ZFYVE27: variants seen among roughly 807,000 people sequenced by gnomAD.
ZFYVE27 encodes zinc finger FYVE-type containing 27, also known as protrudin.
A neutral mutation model predicts 52.8 loss-of-function variants in ZFYVE27; 36 were observed. The observed-to-expected ratio is 0.68, with a 90% confidence interval of 0.52 to 0.90. ZFYVE27 has a LOEUF of 0.90. Among genes scored for constraint, ZFYVE27 ranks in the 40% least tolerant of loss-of-function variants. ZFYVE27 has a pLI of 0.00. For missense variants in ZFYVE27, 450 were observed against 527.2 expected (o/e 0.85, Z 1.43); for synonymous variants, 223 against 215.6 (o/e 1.03, Z -0.30).
chr10:97,759,329 C>T lies in ZFYVE27; in HGVS notation c.*29C>T, dbSNP rs368123077. ...GAGAGGCCAGGGTCCAACCAGGCAC[C>T]CGTCCTTGGGACCAGCAGTAGACCC... On this transcript the variant is annotated 3_prime_UTR_variant, in exon 13 of 13. Coordinates refer to ENST00000684270, the MANE Select transcript of ZFYVE27 (RefSeq NM_001385875.1). 18 of 1,613,802 alleles carry T rather than the reference C, an allele frequency of 1.1e-5. No individual in the cohort carries two copies. The highest frequency in any genetic ancestry group is 1.5e-5 in the Non-Finnish European group (18 of 1,179,710).
In ZFYVE27 at chr10:97,748,507, A is replaced by G; in HGVS notation, c.551+143A>G. On this transcript the variant is annotated intron_variant, in intron 5 of 12. Coordinates refer to ENST00000684270, the MANE Select transcript of ZFYVE27 (RefSeq NM_001385875.1). Reference sequence around the variant, plus strand: ...CCTGGGCTCTTGTGTGTATATCTGCACATATGCTTGCGGGCTCTAATGTAC... The same window carrying G: ...CCTGGGCTCTTGTGTGTATATCTGCGCATATGCTTGCGGGCTCTAATGTAC... 4 of 744,858 alleles carry G rather than the reference A, an allele frequency of 5.4e-6. No individual in the cohort carries two copies. The South Asian group carries it at 6.1e-5, about 11-fold the overall frequency. The allele number at this position is 744,858 out of a possible 1,614,324, so 46.1% of individuals were successfully genotyped here.
At chr10:97,752,954 G>T in intron 9 of ZFYVE27, 77 bp downstream of exon 9, 1 of 1,613,204 alleles carries the variant, frequency 6.2e-7, no homozygotes. Flanking sequence ...ACACCTCGTG[G>T]GGGCTGCCGC....
chr10:97,745,569 T>C (rs2045066202), intron 4 of ZFYVE27, among the ~76,000 whole-genome samples: 1 of 152,242 alleles, frequency 6.6e-6, no homozygotes. Context: ...AGCTCTTCCA[T>C]TTACTTGCTG....
intron 2 of ZFYVE27, among the ~76,000 whole-genome samples, chr10:97,742,375 C>G (rs2043944531): frequency 6.6e-6 from 1 of 152,078 alleles, no homozygotes; most frequent in Non-Finnish European, 1.5e-5. Flanking sequence ...CTTCCTTGTT[C>G]CCTGTTTGGG....
chr10:97,748,703 T>G (rs1169594099), intron 5 of ZFYVE27, among the ~76,000 whole-genome samples: 3 of 152,246 alleles, frequency 2.0e-5, no homozygotes, highest in Non-Finnish European at 4.4e-5. Context: ...CAATTTTTCT[T>G]TTGTTTTCCA....
chr10:97,749,439 A>C (rs763041409), intron 5 of ZFYVE27, 35 bp from the exon 6 acceptor site: 8 of 1,561,196 alleles, frequency 5.1e-6, no homozygotes, highest in Middle Eastern at 1.7e-4. Context: ...TGCTGTTACG[A>C]ATTTCTGATC....
intron 1 of ZFYVE27, among the ~76,000 whole-genome samples, chr10:97,737,754 GTT>G (rs2042492797): frequency 6.6e-6 from 1 of 152,238 alleles, no homozygotes; most frequent in Non-Finnish European, 1.5e-5. Flanking sequence ...AGGCTCCTCG[GTT>G]TCCTCATCAG....
In ZFYVE27 at chr10:97,749,462, C is replaced by T. The variant is rs1358372551; in HGVS notation, c.552-12C>T. 1 of 1,608,496 alleles carries T rather than the reference C, an allele frequency of 6.2e-7. No homozygotes were observed. ...CGAATTTCTGATCTTGTGGTTCTTCCCTGTCATCCAGGTTCTATGGGGCTC... is the reference window on the plus strand; with the variant it reads ...CGAATTTCTGATCTTGTGGTTCTTCTCTGTCATCCAGGTTCTATGGGGCTC... On this transcript the variant is annotated splice_polypyrimidine_tract_variant and intron_variant, in intron 5 of 12. Transcript: ENST00000684270.
At chr10:97,749,137 T>C (rs1304391278) in intron 5 of ZFYVE27, among the ~76,000 whole-genome samples, 2 of 152,176 alleles carry the variant, frequency 1.3e-5, no homozygotes, top group Non-Finnish European at 2.9e-5. Flanking sequence ...ACCAAGAGAC[T>C]TCTCAGAATG....
intron 4 of ZFYVE27, among the ~76,000 whole-genome samples, chr10:97,746,693 T>A (rs1443738883): frequency 6.6e-6 from 1 of 151,636 alleles, no homozygotes; most frequent in East Asian, 1.9e-4. Context: ...TTTTCTTTTT[T>A]TTTTTTTACT....
chr10:97,738,467 A>G lies in ZFYVE27; in HGVS notation c.-1-10A>G, dbSNP rs766365947. 4 of 1,613,704 alleles carry G rather than the reference A, an allele frequency of 2.5e-6. No homozygotes were observed. In the East Asian group the frequency reaches 8.9e-5, roughly 36 times the overall value. ...TGCAATGCAAATGTTGGGAATTATTATGGTTACAGGATGCAGACATCAGAA... is the reference window on the plus strand; with the variant it reads ...TGCAATGCAAATGTTGGGAATTATTGTGGTTACAGGATGCAGACATCAGAA... On this transcript the variant is annotated splice_polypyrimidine_tract_variant and intron_variant, in intron 1 of 12. Transcript: ENST00000684270.
In ZFYVE27 at chr10:97,738,779, C is replaced by A. The variant is rs1018519284; in HGVS notation, c.197+105C>A. The A allele has an allele frequency of 5.2e-6, 7 of 1,341,168 alleles. No individual in the cohort carries two copies. In the African/African-American group the frequency reaches 1.0e-4, roughly 19 times the overall value. 83.1% of individuals were successfully genotyped at this position (1,341,168 alleles called of 1,614,324 possible). The stretch of plus-strand genomic sequence containing the variant: ...GCAGTGGCTGGGCTGTCCTTTCTGC[C>A]CTAGTGAGGAGCAGTTCTGGGAGGT... On this transcript the variant is annotated intron_variant, in intron 2 of 12. Coordinates refer to ENST00000684270, the MANE Select transcript of ZFYVE27 (RefSeq NM_001385875.1).
chr10:97,744,806 C>T lies in ZFYVE27; in HGVS notation c.346C>T (p.Arg116Trp), dbSNP rs749224650. 73 of 1,613,918 alleles carry T rather than the reference C, an allele frequency of 4.5e-5. No individual in the cohort carries two copies. The highest frequency in any genetic ancestry group is 8.3e-5 in the Admixed American group (5 of 60,014). The change falls in exon 4 of 13, where the codon CGG becomes TGG. Residue 116 changes from arginine to tryptophan, a missense_variant. Coordinates refer to ENST00000684270, the MANE Select transcript of ZFYVE27 (RefSeq NM_001385875.1). ...LGYLQEVCRA[R>W]LPDSELMRRK... ...CTACCTTCAGGAGGTTTGCCGGGCA[C>T]GGCTGCCTGATTCCGAGCTGATGCG... is the stretch of plus-strand genomic sequence containing the variant.
intron 1 of ZFYVE27, among the ~76,000 whole-genome samples, 199 bp from the exon 2 acceptor site, chr10:97,738,278 G>C (rs2042658176): frequency 6.6e-6 from 1 of 152,152 alleles, no homozygotes; most frequent in African/African-American, 2.4e-5. Context: ...ATTTATGCTT[G>C]GTTTTTATGA....
Position 97,751,391 on chromosome 10 carries a change from G to A in ZFYVE27, c.805G>A (p.Asp269Asn). The change falls in exon 8 of 13, where the codon GAC becomes AAC. Residue 269 changes from aspartate (D) to asparagine (N), a missense_variant and splice_region_variant. By Grantham distance (23) the Asp-to-Asn change is conservative. Transcript: ENST00000684270. ...DSTPALTPTE[D>N]LTPGSVEEAE... is the part of the protein sequence containing the mutation. ...TCTGTCATAGAGTCTCTCTTCCCAG[G>A]ACCTCACACCGGGCAGCGTGGAGGA... The A allele has an allele frequency of 1.2e-6, 2 of 1,613,750 alleles. No individual in the cohort carries two copies. Among genetic ancestry groups the A allele is most frequent in the African/African-American group, 1.3e-5 (1 of 74,980 alleles).
intron 10 of ZFYVE27, chr10:97,754,627 T>G: frequency 7.8e-7 from 1 of 1,280,904 alleles, no homozygotes; most frequent in African/African-American, 1.5e-5. Context: ...TTTGTTTTAT[T>G]TATGCTGCCT....
At chr10:97,738,847 G>C (rs1456006653) in intron 2 of ZFYVE27, 173 bp downstream of exon 2, 1 of 703,048 alleles carries the variant, frequency 1.4e-6, no homozygotes, top group African/African-American at 1.8e-5. Context: ...CTGTGTCTCA[G>C]GCCCAGCCCA....
intron 12 of ZFYVE27, among the ~76,000 whole-genome samples, chr10:97,758,837 A>G (rs2049073846): frequency 6.6e-6 from 1 of 152,062 alleles, no homozygotes; most frequent in African/African-American, 2.4e-5. Context: ...CCTGGAGTGC[A>G]GTGGCGCCAT....
Position 97,759,444 on chromosome 10 carries a change from C to T in ZFYVE27, c.*144C>T. On this transcript the variant is annotated 3_prime_UTR_variant, in exon 13 of 13. Coordinates refer to ENST00000684270, the MANE Select transcript of ZFYVE27 (RefSeq NM_001385875.1). ...AGGCTTCCCCTTCCTTCCTCACTCT[C>T]TCCAGCTGGATTCTGGAGCTGTTCT... is the stretch of plus-strand genomic sequence containing the variant. The T allele has an allele frequency of 1.2e-6, 1 of 826,412 alleles. No individual in the cohort carries two copies. The highest frequency in any genetic ancestry group is 1.7e-5 in the African/African-American group (1 of 59,410). 51.2% of individuals were successfully genotyped at this position (826,412 alleles called of 1,614,324 possible).
Sources: gnomAD v4.1 joint callset for allele counts (sites outside exome capture counted in the v4.1 genomes callset) on GRCh38, gnomAD v4.1.1 for gene constraint, MANE v1.5 for transcripts, NCBI Gene and HGNC (gene_info 2026-07-23, HGNC 2026-07-21) for gene names.